Variants in NXPH1 observed in about 807,000 individuals in gnomAD.
The protein encoded by NXPH1 is neurexophilin 1.
Under a neutral mutation model 23.7 loss-of-function variants are expected in NXPH1, and 5 were observed. That is an observed-to-expected ratio of 0.21 (90% CI 0.11 to 0.44). The LOEUF is 0.44. NXPH1 is among the 20% of genes least tolerant of loss of function. The pLI is 0.99. For synonymous variants in NXPH1, 144 were observed against 122.2 expected (o/e 1.18, Z -1.18); for missense variants, 324 against 321.6 (o/e 1.01, Z -0.06).
chr7:8,441,644 C>G (rs918550762), intron 2 of NXPH1, among the ~76,000 whole-genome samples: 2 of 152,118 alleles, frequency 1.3e-5, no homozygotes, highest in Non-Finnish European at 2.9e-5. Flanking sequence ...GAAATGCCAA[C>G]CCAGATCAGA....
At chr7:8,515,414 C>T (rs1361840489) in intron 2 of NXPH1, among the ~76,000 whole-genome samples, 1 of 152,054 alleles carries the variant, frequency 6.6e-6, no homozygotes, top group Admixed American at 6.6e-5. Flanking sequence ...TCCTGGAGAG[C>T]GGCTACATTT....
At chr7:8,730,594 T>C (rs1292012710) in intron 2 of NXPH1, among the ~76,000 whole-genome samples, 1 of 152,178 alleles carries the variant, frequency 6.6e-6, no homozygotes, top group Non-Finnish European at 1.5e-5. Context: ...TCTCCTTCAC[T>C]TATGAAGCTT....
chr7:8,528,260 G>T (rs1026536750), intron 2 of NXPH1, among the ~76,000 whole-genome samples: 1 of 152,236 alleles, frequency 6.6e-6, no homozygotes, highest in African/African-American at 2.4e-5. Flanking sequence ...GGCACAGATT[G>T]TGCCCTTCTC....
intron 2 of NXPH1, among the ~76,000 whole-genome samples, chr7:8,443,921 C>A (rs1466859903): frequency 6.6e-6 from 1 of 152,194 alleles, no homozygotes; most frequent in African/African-American, 2.4e-5. Context: ...CCCTACCTCC[C>A]TCGCCGCTTG....
At chr7:8,679,827 C>T (rs1026426203) in intron 2 of NXPH1, among the ~76,000 whole-genome samples, 2 of 152,236 alleles carry the variant, frequency 1.3e-5, no homozygotes, top group Admixed American at 1.3e-4. Context: ...TCGAGACCAG[C>T]CTGACCAACA....
intron 2 of NXPH1, among the ~76,000 whole-genome samples, chr7:8,554,908 A>G (rs529371242): frequency 4.7e-4 from 71 of 151,808 alleles, no homozygotes; most frequent in African/African-American, 1.6e-3. Flanking sequence ...GAATTTTAGG[A>G]GGGATATCAA....
intron 2 of NXPH1, among the ~76,000 whole-genome samples, chr7:8,587,982 C>A (rs12333676): frequency 0.28 from 41,715 of 151,682 alleles, 6,319 homozygotes; most frequent in African/African-American, 0.4. Flanking sequence ...ATGTGGCCAA[C>A]AAATGTATGA....
rs1208789928 is a variant in NXPH1 at position 8,710,906 on chromosome 7, C to G, written c.55-40102C>G. Among the ~76,000 whole-genome samples the G allele has an allele frequency of 3.5e-5, 4 of 114,944 alleles. 1 individual carries two copies. Among genetic ancestry groups the G allele is most frequent in the Admixed American group, 3.3e-4 (4 of 12,172 alleles). 75.4% of individuals were successfully genotyped at this position (114,944 alleles called of 152,430 possible). On this transcript the variant is annotated intron_variant, in intron 2 of 2. Coordinates refer to ENST00000405863, the MANE Select transcript of NXPH1 (RefSeq NM_152745.3). The stretch of plus-strand genomic sequence containing the variant: ...CTCGATCTCCTGACCTCATGATCCA[C>G]CCGCCTCGGCCTCCCAAAGTGCTGG...
chr7:8,588,381 A>G (rs1819021128), intron 2 of NXPH1, among the ~76,000 whole-genome samples: 1 of 152,154 alleles, frequency 6.6e-6, no homozygotes, highest in Non-Finnish European at 1.5e-5. Context: ...CTCAAAGAAG[A>G]GGGAATTTAT....
Position 8,509,313 on chromosome 7 carries a change from G to A in NXPH1, c.54+73546G>A, listed in dbSNP as rs562402723. 9.3e-4 allele frequency among the ~76,000 whole-genome samples: 142 copies of A among 152,174 alleles called. 1 individual carries two copies. The highest frequency in any genetic ancestry group is 3.3e-3 in the African/African-American group (136 of 41,550). The stretch of plus-strand genomic sequence containing the variant: ...GAAGACATTTTGTACAATTTAAGTA[G>A]CTTATTTCCACATTAATAAATATGA... On this transcript the variant is annotated intron_variant, in intron 2 of 2. Transcript: ENST00000405863.
chr7:8,600,186 G>GCC (rs200116932), intron 2 of NXPH1, among the ~76,000 whole-genome samples: 5,600 of 152,112 alleles, frequency 0.037, 304 homozygotes, highest in African/African-American at 0.12. Context: ...TCGTTCTGGG[G>GCC]TATAAGAAAG....
At position 8,435,787 on chromosome 7, in the gene NXPH1, G is replaced by A; in HGVS notation, c.54+20G>A. The A allele has an allele frequency of 1.2e-6, 2 of 1,613,564 alleles. No individual in the cohort carries two copies. Among genetic ancestry groups the A allele is most frequent in the Non-Finnish European group, 1.7e-6 (2 of 1,179,574 alleles). Reference sequence around the variant, plus strand: ...TACTTGGTAAGTCTTGGAAGGTTCGGGGCTTTCGCATTTTTACCCCGGCCG... The same window carrying A: ...TACTTGGTAAGTCTTGGAAGGTTCGAGGCTTTCGCATTTTTACCCCGGCCG... On this transcript the variant is annotated intron_variant, in intron 2 of 2. Transcript: ENST00000405863. This position sits in a 1 kb window ranked among gnomAD's most constrained non-coding sequence, Gnocchi z 5.9.
At chr7:8,643,236 G>C (rs896913839) in intron 2 of NXPH1, among the ~76,000 whole-genome samples, 1 of 151,596 alleles carries the variant, frequency 6.6e-6, no homozygotes, top group African/African-American at 2.4e-5. Context: ...ATAAATAGCT[G>C]GTACATTTTC....
chr7:8,583,521 T>G (rs969295837), intron 2 of NXPH1, among the ~76,000 whole-genome samples: 1 of 152,182 alleles, frequency 6.6e-6, no homozygotes, highest in Admixed American at 6.5e-5. Context: ...TCATTATTAT[T>G]ATTATTACCC....
rs777781873 is a variant in NXPH1 at position 8,751,636 on chromosome 7, C to A, written c.683C>A (p.Ser228Tyr). 1 of 1,613,488 alleles carries A rather than the reference C, an allele frequency of 6.2e-7. No individual in the cohort carries two copies. The highest frequency in any genetic ancestry group is 8.5e-7 in the Non-Finnish European group (1 of 1,179,704). ...CAGGAGCAAACCCAAAGTCATGTAT[C>A]CTGGCTCTGCTCCAAGCCCTTTAAG... ...CYQEQTQSHV[S>Y]WLCSKPFKVI... The change falls in exon 3 of 3, where the codon TCC becomes TAC. Residue 228 changes from serine (S) to tyrosine (Y), a missense_variant. By Grantham distance (144) the Ser-to-Tyr change is moderately radical (BLOSUM62 -2). Coordinates refer to ENST00000405863, the MANE Select transcript of NXPH1 (RefSeq NM_152745.3). The surrounding 1 kb of genome is among the most constrained non-coding windows in gnomAD (Gnocchi z 4.5).
chr7:8,563,092 C>T (rs1346432588), intron 2 of NXPH1, among the ~76,000 whole-genome samples: 1 of 151,660 alleles, frequency 6.6e-6, no homozygotes, highest in Non-Finnish European at 1.5e-5. Context: ...CAAGATAGAA[C>T]ATTGACTTCC....
intron 2 of NXPH1, among the ~76,000 whole-genome samples, chr7:8,742,626 A>G (rs17154742): frequency 6.7e-6 from 1 of 148,178 alleles, no homozygotes; most frequent in Non-Finnish European, 1.5e-5. Flanking sequence ...TAAGATATTT[A>G]TATATGAAAA....
At chr7:8,611,327 C>T (rs1260482928) in intron 2 of NXPH1, among the ~76,000 whole-genome samples, 1 of 152,090 alleles carries the variant, frequency 6.6e-6, no homozygotes, top group Non-Finnish European at 1.5e-5. Context: ...CCTCTGTCTT[C>T]CTTTGGGTTA....
At chr7:8,717,577 T>C (rs1281779734) in intron 2 of NXPH1, among the ~76,000 whole-genome samples, 1 of 152,200 alleles carries the variant, frequency 6.6e-6, no homozygotes, top group African/African-American at 2.4e-5. Flanking sequence ...TTTCTGACTT[T>C]TGATTTTTCA....
Sources: gnomAD v4.1 joint callset for allele counts (sites outside exome capture counted in the v4.1 genomes callset) on GRCh38, gnomAD v4.1.1 for gene constraint, Gnocchi (gnomAD v3.1) non-coding constraint, MANE v1.5 for transcripts, NCBI Gene and HGNC (gene_info 2026-07-23, HGNC 2026-07-21) for gene names.